AIM2: variants seen among roughly 807,000 people sequenced by gnomAD.
AIM2 encodes absent in melanoma 2.
A neutral mutation model predicts 27.7 loss-of-function variants in AIM2; 30 were observed. That is an observed-to-expected ratio of 1.08 (90% CI 0.81 to 1.47). AIM2 has a LOEUF of 1.47. Ranked by LOEUF, AIM2 falls within the 40% of genes most tolerant of loss-of-function variation. AIM2 has a pLI of 0.00. For missense variants in AIM2, 358 were observed against 411.3 expected, an observed-to-expected ratio of 0.87 and a Z score of 1.12; for synonymous variants, 141 against 145.3, an observed-to-expected ratio of 0.97 and a Z score of 0.21.
chr1:159,071,265 G>A (rs971179754), intron 2 of AIM2, among the ~76,000 whole-genome samples: 1 of 152,192 alleles, frequency 6.6e-6, no homozygotes, highest in Admixed American at 6.5e-5. Flanking sequence ...GAGTAGAATA[G>A]CATATAGCAC....
At chr1:159,068,738 T>A (rs1282981124) in intron 2 of AIM2, 37 bp from the exon 3 acceptor site, 1 of 1,604,920 alleles carries the variant, frequency 6.2e-7, no homozygotes, top group Admixed American at 1.7e-5. Context: ...AATAAGCATA[T>A]AAACATATGA....
chr1:159,141,226 T>C (rs895271282), upstream of AIM2, among the ~76,000 whole-genome samples: 1 of 152,174 alleles, frequency 6.6e-6, no homozygotes, highest in Non-Finnish European at 1.5e-5. Context: ...CAGTTGGACA[T>C]TTTCTCATTG....
chr1:159,085,718 C>T (rs1368284280), intron 1 of AIM2, among the ~76,000 whole-genome samples: 1 of 152,180 alleles, frequency 6.6e-6, no homozygotes, highest in African/African-American at 2.4e-5. Context: ...CCACGTAGAG[C>T]TCAGACAGCA....
At chr1:159,074,861 G>A (rs855871) in intron 1 of AIM2, among the ~76,000 whole-genome samples, 110,273 of 152,044 alleles carry the variant, frequency 0.73, 44,149 homozygotes, top group Non-Finnish European at 0.89. Context: ...TTTTAAATGG[G>A]AAGATTTGAT....
At chr1:159,081,008 T>C (rs568777098), upstream of AIM2, 2 of 157,438 alleles carry the variant, frequency 1.3e-5, no homozygotes, top group South Asian at 4.0e-4. Flanking sequence ...GGACCTTGCT[T>C]TTATCTTCTC....
intron 1 of AIM2, among the ~76,000 whole-genome samples, chr1:159,090,490 T>C (rs1200059887): frequency 1.3e-5 from 2 of 152,256 alleles, no homozygotes; most frequent in Non-Finnish European, 2.9e-5. Flanking sequence ...CATAATTTTG[T>C]CATTGTAATT....
chr1:159,077,203 T>A (rs1206662909), upstream of AIM2, among the ~76,000 whole-genome samples: 1 of 150,668 alleles, frequency 6.6e-6, no homozygotes, highest in Non-Finnish European at 1.5e-5. Context: ...AAGGGAGGAG[T>A]GCAGGCACTC....
chr1:159,084,778 TACACACAC>T (rs113134051), intron 1 of AIM2, among the ~76,000 whole-genome samples: 208 of 135,126 alleles, frequency 1.5e-3, no homozygotes, highest in East Asian at 6.8e-3. Context: ...CTGTCTGAAA[TACACACAC>T]ACACACACAC....
At chr1:159,095,481 G>T (rs1164601594) in intron 1 of AIM2, among the ~76,000 whole-genome samples, 1 of 152,154 alleles carries the variant, frequency 6.6e-6, no homozygotes, top group Non-Finnish European at 1.5e-5. Context: ...TGCCACCCGG[G>T]CCTACAGGGC....
chr1:159,107,949 T>C (rs958008099), intron 1 of AIM2, among the ~76,000 whole-genome samples: 5 of 152,140 alleles, frequency 3.3e-5, no homozygotes, highest in Non-Finnish European at 5.9e-5. Context: ...ACCAGACAGA[T>C]GCACAGCAGA....
the AIM2 span, among the ~76,000 whole-genome samples, chr1:159,056,748 A>AAAC: frequency 7.2e-6 from 1 of 138,544 alleles, no homozygotes; most frequent in Non-Finnish European, 1.5e-5. Context: ...AAAAAAAAAA[A>AAAC]CTACCCTTTA....
At chr1:159,123,214 T>C (rs1009391190) in intron 1 of AIM2, among the ~76,000 whole-genome samples, 4 of 152,042 alleles carry the variant, frequency 2.6e-5, no homozygotes. Context: ...AAAAACACCA[T>C]TATAAAAAAA....
intron 1 of AIM2, among the ~76,000 whole-genome samples, chr1:159,118,472 A>G (rs1570975101): frequency 6.6e-6 from 1 of 152,332 alleles, no homozygotes; most frequent in Admixed American, 6.5e-5. Context: ...ATGTTACTTC[A>G]TAATGCATTA....
intron 1 of AIM2, among the ~76,000 whole-genome samples, chr1:159,137,234 A>G (rs1648026377): frequency 6.6e-6 from 1 of 152,208 alleles, no homozygotes; most frequent in African/African-American, 2.4e-5. Context: ...TGTTGTTATA[A>G]TGATTGGGGG....
At chr1:159,140,582 C>A (rs41264463), upstream of AIM2, 16,705 of 152,200 alleles carry the variant, frequency 0.11, 1,145 homozygotes, top group South Asian at 0.31. Context: ...AGTCCTGGGA[C>A]ACGTATCTTC....
chr1:159,120,516 G>A (rs1002597272), intron 1 of AIM2, among the ~76,000 whole-genome samples: 6 of 152,144 alleles, frequency 3.9e-5, no homozygotes, highest in African/African-American at 1.4e-4. Flanking sequence ...GTGCCACAGA[G>A]CTGGCTGTCA....
At chr1:159,087,708 G>T (rs925026744) in intron 1 of AIM2, among the ~76,000 whole-genome samples, 1 of 151,672 alleles carries the variant, frequency 6.6e-6, no homozygotes, top group Non-Finnish European at 1.5e-5. Context: ...GAGTACCTTG[G>T]ATTACAAGTG....
At chr1:159,113,007 C>T (rs551876890) in intron 1 of AIM2, among the ~76,000 whole-genome samples, 7 of 151,490 alleles carry the variant, frequency 4.6e-5, no homozygotes, top group East Asian at 1.9e-4. Context: ...TGCAGTGGCG[C>T]GATCTCGGCT....
rs187962447 is a variant in AIM2 at position 159,092,220 on chromosome 1, G to A, written c.-15-25891C>T. 9.2e-5 allele frequency among the ~76,000 whole-genome samples: 14 copies of A among 152,204 alleles called. No homozygotes were observed. In the East Asian group the frequency reaches 2.3e-3, roughly 25 times the overall value. ...ATATTATCTGAACATGCAAAACTAA[G>A]AGACTAACCACCAAAGTGACTCAGG... On this transcript the variant is annotated intron_variant, in intron 1 of 2. Coordinates refer to the AIM2 transcript ENST00000368129.
Sources: gnomAD v4.1 joint callset for allele counts (sites outside exome capture counted in the v4.1 genomes callset) on GRCh38, gnomAD v4.1.1 for gene constraint, MANE v1.5 for transcripts, NCBI Gene and HGNC (gene_info 2026-07-23, HGNC 2026-07-21) for gene names.